The following MAP3K9 variants were observed in gnomAD, a reference collection of about 807,000 sequenced individuals.
MAP3K9 encodes mitogen-activated protein kinase kinase kinase 9.
MAP3K9 carries 46 observed loss-of-function variants against 95.8 expected under a neutral mutation model. The observed-to-expected ratio is 0.48, with a 90% CI of 0.38 to 0.61. MAP3K9 has a LOEUF of 0.61. MAP3K9 is among the 20% of genes least tolerant of loss of function. The probability of loss-of-function intolerance (pLI) is 0.00; values close to 1 mark genes in which losing one functional copy is unlikely to be tolerated. For missense variants in MAP3K9, 1,296 were observed against 1,474.3 expected (o/e 0.88, Z 1.98); for synonymous variants, 533 against 593.8 (o/e 0.90, Z 1.49).
chr14:70,739,832 A>C, intron 7 of MAP3K9: 3 of 1,465,178 alleles, frequency 2.0e-6, no homozygotes, highest in Non-Finnish European at 2.7e-6. Context: ...ATGTGACTAA[A>C]AGGTAGAGGG....
At chr14:70,774,091 C>CTATGTTCTATACTAAGTATTCAACG in intron 2 of MAP3K9, among the ~76,000 whole-genome samples, 1 of 151,980 alleles carries the variant, frequency 6.6e-6, no homozygotes, top group South Asian at 2.1e-4. Context: ...GTTAATCAAC[C>CTATGTTCTATACTAAGTATTCAACG]TGAAATCTAT....
At chr14:70,761,251 C>T in intron 2 of MAP3K9, 69 bp from the exon 3 acceptor site, 2 of 1,335,334 alleles carry the variant, frequency 1.5e-6, no homozygotes. Flanking sequence ...CAGAACAGAA[C>T]TCTTCTGCCA....
In MAP3K9 at chr14:70,732,708, G is replaced by A. The variant is rs1214213891; in HGVS notation, c.2661C>T (p.Arg887=). 1 of 1,601,648 alleles carries A rather than the reference G, an allele frequency of 6.2e-7. No individual in the cohort carries two copies. Among genetic ancestry groups the A allele is most frequent in the Non-Finnish European group, 8.5e-7 (1 of 1,171,496 alleles). The change falls in exon 11 of 12, where the codon CGC becomes CGT. Residue 887 remains arginine (R), a synonymous_variant. Transcript: ENST00000554752. ...GAGATTGGTTAGGATCTCGTTTGAA[G>A]CGCTCTACTCGGACATTGACCAGGG... ...HNPLVNVRVE[R]FKRDPNQSLT... is the part of the protein sequence containing the mutation.
chr14:70,800,901 C>A lies in MAP3K9; in HGVS notation c.586G>T (p.Ala196Ser), dbSNP rs376594979. 6.2e-7 allele frequency: 1 copy of A among 1,614,158 alleles called. No individual in the cohort carries two copies. The highest frequency in any genetic ancestry group is 1.1e-5 in the South Asian group (1 of 91,084). ...ENVRQEAKLF[A>S]MLKHPNIIAL... Reference sequence around the variant, plus strand: ...ATGATGTTGGGGTGCTTCAGCATGGCGAAGAGCTTGGCCTCTTGGCGAACA... The same window carrying A: ...ATGATGTTGGGGTGCTTCAGCATGGAGAAGAGCTTGGCCTCTTGGCGAACA... Residue 196 changes from alanine to serine, a missense_variant, in exon 2 of 12, where the codon GCC becomes TCC. By Grantham distance (99) the Ala-to-Ser change is moderately conservative (BLOSUM62 1). This residue lies in a region of MAP3K9 where 338 missense variants were observed against 363.4 expected (regional missense o/e 0.93). Coordinates refer to ENST00000554752, the MANE Select transcript of MAP3K9 (RefSeq NM_001284230.2).
At chr14:70,798,118 C>G (rs1376196904) in intron 2 of MAP3K9, among the ~76,000 whole-genome samples, 1 of 152,226 alleles carries the variant, frequency 6.6e-6, no homozygotes, top group Non-Finnish European at 1.5e-5. Flanking sequence ...ACACTCAGGT[C>G]TCTTGCCCTC....
In MAP3K9 at chr14:70,723,332, G is replaced by C. The variant is rs2139678783; in HGVS notation, c.*7048C>G. 1 of 152,396 alleles carries C rather than the reference G, an allele frequency of 6.6e-6. No individual in the cohort carries two copies. Among genetic ancestry groups the C allele is most frequent in the South Asian group, 2.1e-4 (1 of 4,832 alleles). 9.4% of individuals were successfully genotyped at this position (152,396 alleles called of 1,614,324 possible). On this transcript the variant is annotated 3_prime_UTR_variant, in exon 12 of 12. Transcript: ENST00000554752. ...CAGTGGTATTGGGAGAAGAGCTACA[G>C]AATTGACATGTCCAGCTCCTGTGTG... is the stretch of plus-strand genomic sequence containing the variant.
intron 3 of MAP3K9, among the ~76,000 whole-genome samples, chr14:70,755,810 A>G (rs1249737331): frequency 6.6e-6 from 1 of 152,350 alleles, no homozygotes; most frequent in East Asian, 1.9e-4. Flanking sequence ...TATGTTTTCA[A>G]ACCACAATCA....
chr14:70,793,371 G>A (rs1324402575), intron 2 of MAP3K9, among the ~76,000 whole-genome samples: 2 of 152,084 alleles, frequency 1.3e-5, no homozygotes, highest in Non-Finnish European at 2.9e-5. Context: ...AAGGGCCAGG[G>A]GACTCTAACG....
chr14:70,786,675 A>G (rs1372352975), intron 2 of MAP3K9, among the ~76,000 whole-genome samples: 2 of 152,170 alleles, frequency 1.3e-5, no homozygotes, highest in Non-Finnish European at 2.9e-5. Context: ...ACAGTGTTCC[A>G]TTGTCGGGCT....
rs779790828 is a variant in MAP3K9 at position 70,733,004 on chromosome 14, C to T, written c.2365G>A (p.Glu789Lys). The part of the protein sequence containing the change: ...PLEEPEPPAR[E>K]EKKRREGLFQ... ...AGACCCTCCCGTCTTTTCTTCTCCTCCCGGGCTGGTGGCTCAGGCTCCTCC... is the reference window on the plus strand; with the variant it reads ...AGACCCTCCCGTCTTTTCTTCTCCTTCCGGGCTGGTGGCTCAGGCTCCTCC... The change falls in exon 11 of 12, where the codon GAG (glutamate) becomes AAG (lysine). Residue 789 changes from glutamate (E) to lysine (K), a missense_variant. Coordinates refer to ENST00000554752, the MANE Select transcript of MAP3K9 (RefSeq NM_001284230.2). 2 of 1,614,174 alleles carry T rather than the reference C, an allele frequency of 1.2e-6. No individual in the cohort carries two copies. The highest frequency in any genetic ancestry group is 3.3e-5 in the Admixed American group (2 of 60,030).
At chr14:70,804,376 G>A (rs538187122) in intron 1 of MAP3K9, among the ~76,000 whole-genome samples, 1 of 152,294 alleles carries the variant, frequency 6.6e-6, no homozygotes, top group Non-Finnish European at 1.5e-5. Context: ...ATATGAATGA[G>A]AAAAATATGC....
chr14:70,747,295 G>A (rs1342234490), intron 5 of MAP3K9, among the ~76,000 whole-genome samples: 3 of 152,040 alleles, frequency 2.0e-5, no homozygotes, highest in Admixed American at 6.5e-5. Flanking sequence ...TCCTGTTCTC[G>A]TAATAGTGAG....
At chr14:70,742,768 G>T (rs557917481) in intron 5 of MAP3K9, among the ~76,000 whole-genome samples, 177 bp from the exon 6 acceptor site, 2 of 152,174 alleles carry the variant, frequency 1.3e-5, no homozygotes, top group East Asian at 3.9e-4. Context: ...ACCTTGAATG[G>T]TGGGGAAAGG....
Position 70,783,260 on chromosome 14 carries a change from G to A in MAP3K9, c.820+17407C>T, listed in dbSNP as rs571171654. ...CAGGACAGTACTGTGTCCAAACAAC[G>A]GTAAGGTGGGAAGGAAGACGGCATC... On this transcript the variant is annotated intron_variant, in intron 2 of 11. Transcript: ENST00000554752. The A allele has an allele frequency of 1.4e-5, 14 of 984,794 alleles. No individual in the cohort carries two copies. The African/African-American group carries it at 1.7e-4, about 12-fold the overall frequency. The allele number at this position is 984,794 out of a possible 1,614,324, so 61.0% of individuals were successfully genotyped here.
chr14:70,801,013 G>A lies in MAP3K9; in HGVS notation c.474C>T (p.Val158=). The change falls in exon 2 of 12, where the codon GTC becomes GTT. Residue 158 remains valine (V), a synonymous_variant. Coordinates refer to ENST00000554752, the MANE Select transcript of MAP3K9 (RefSeq NM_001284230.2). ...EIIGIGGFGK[V]YRAFWIGDEV... is the part of the protein sequence containing the mutation. ...CATCCCCTATCCAGAAAGCACGATA[G>A]ACCTTCCCAAAGCCCCCGATGCCAA... 1 of 1,614,186 alleles carries A rather than the reference G, an allele frequency of 6.2e-7. No homozygotes were observed. The highest frequency in any genetic ancestry group is 2.2e-5 in the East Asian group (1 of 44,882).
At chr14:70,759,965 A>G (rs2054349143) in intron 3 of MAP3K9, among the ~76,000 whole-genome samples, 1 of 152,116 alleles carries the variant, frequency 6.6e-6, no homozygotes, top group Non-Finnish European at 1.5e-5. Context: ...TATGTTGCCC[A>G]GGCTGGTCCC....
At chr14:70,789,249 CA>C (rs1195069863) in intron 2 of MAP3K9, among the ~76,000 whole-genome samples, 1 of 152,136 alleles carries the variant, frequency 6.6e-6, no homozygotes, top group Non-Finnish European at 1.5e-5. Context: ...CAATCCCTTT[CA>C]GGGGCTTCAG....
chr14:70,809,194 CGGGGCCGCCGCCGCCCGCA>C lies in MAP3K9; in HGVS notation c.-42_-24del, dbSNP rs2055038216. On this transcript the variant is annotated 5_prime_UTR_variant, in exon 1 of 12. Coordinates refer to ENST00000554752, the MANE Select transcript of MAP3K9 (RefSeq NM_001284230.2). Reference sequence around the variant, plus strand: ...CATGGAGCGGCCGATCCATAGGGTGCGGGGCCGCCGCCGCCCGCAGGAGCCGCCGCCGCCTATTGTTCAT... The same window carrying C: ...CATGGAGCGGCCGATCCATAGGGTGCGGAGCCGCCGCCGCCTATTGTTCAT... 7.7e-7 allele frequency: 1 copy of C among 1,295,744 alleles called. No individual in the cohort carries two copies. The highest frequency in any genetic ancestry group is 9.7e-7 in the Non-Finnish European group (1 of 1,028,222). The allele number at this position is 1,295,744 out of a possible 1,614,324, so 80.3% of individuals were successfully genotyped here.
Position 70,736,046 on chromosome 14 carries a change from G to C in MAP3K9, c.1845-17C>G. The C allele has an allele frequency of 6.3e-7, 1 of 1,580,980 alleles. No individual in the cohort carries two copies. The highest frequency in any genetic ancestry group is 8.7e-7 in the Non-Finnish European group (1 of 1,149,896). On this transcript the variant is annotated splice_polypyrimidine_tract_variant and intron_variant, in intron 8 of 11. Transcript: ENST00000554752. Reference sequence around the variant, plus strand: ...TGAGGGGATCTTCAATGAATAAAGAGAATCAGTAGCAGGCAATGGAGGGCA... The same window carrying C: ...TGAGGGGATCTTCAATGAATAAAGACAATCAGTAGCAGGCAATGGAGGGCA...
Sources: gnomAD v4.1 joint callset for allele counts (sites outside exome capture counted in the v4.1 genomes callset) on GRCh38, gnomAD v4.1.1 for gene constraint, gnomAD v4.1.1 regional missense constraint, MANE v1.5 for transcripts, NCBI Gene and HGNC (gene_info 2026-07-23, HGNC 2026-07-21) for gene names.